The following SPINK7 variants were observed in gnomAD, a reference collection of about 807,000 sequenced individuals.
SPINK7 encodes serine protease inhibitor Kazal-type 7.
In SPINK7, 8 loss-of-function variants were observed where a neutral mutation model predicts 11.6. The ratio of observed to expected loss-of-function variants is 0.69; its 90% CI spans 0.41 to 1.25. The LOEUF (loss-of-function observed/expected upper bound fraction) is 1.25. SPINK7 is among the 50% of genes most tolerant of loss of function. SPINK7 has a pLI of 0.01. For missense variants in SPINK7, 113 were observed against 99.3 expected (o/e 1.14, Z -0.58); for synonymous variants, 38 against 35.3 (o/e 1.08, Z -0.27).
In SPINK7 at chr5:148,313,406, A is replaced by G. The variant is rs1402386129; in HGVS notation, c.87+7A>G. On this transcript the variant is annotated splice_region_variant and intron_variant, in intron 2 of 3. Transcript: ENST00000274565. ...TAGTCTGTCTCCAAAAAAAGTAAGT[A>G]TGTTGAATAACATTTTAATGTCAAT... 6.3e-7 allele frequency: 1 copy of G among 1,585,512 alleles called. No individual in the cohort carries two copies. Among genetic ancestry groups the G allele is most frequent in the Non-Finnish European group, 8.6e-7 (1 of 1,157,308 alleles).
At chr5:148,313,878 C>T in intron 2 of SPINK7, 1 of 559,364 alleles carries the variant, frequency 1.8e-6, no homozygotes, top group South Asian at 3.1e-5. Flanking sequence ...AAGTTTAACG[C>T]CTAGCCCAGA....
In SPINK7 at chr5:148,312,585, T is replaced by C. The variant is rs776301760; in HGVS notation, c.61+41T>C. 1.7e-5 allele frequency: 20 copies of C among 1,209,146 alleles called. No individual in the cohort carries two copies. The South Asian group carries it at 2.1e-4, about 13-fold the overall frequency. 74.9% of individuals were successfully genotyped at this position (1,209,146 alleles called of 1,614,324 possible). On this transcript the variant is annotated intron_variant, in intron 1 of 3. Transcript: ENST00000274565. Reference sequence around the variant, plus strand: ...ACAGTGCCCTATATAGCCATTAAGATTGTTTTCATAAATAATCCCTCCTGC... The same window carrying C: ...ACAGTGCCCTATATAGCCATTAAGACTGTTTTCATAAATAATCCCTCCTGC...
At chr5:148,313,954 T>C in intron 2 of SPINK7, 146 bp from the exon 3 acceptor site, 2 of 911,986 alleles carry the variant, frequency 2.2e-6, no homozygotes, top group South Asian at 1.7e-5. Flanking sequence ...CTAGTATTTG[T>C]CATAGTGATA....
Position 148,312,475 on chromosome 5 carries a change from A to T in SPINK7, c.-9A>T, listed in dbSNP as rs990072093. ...TCAGAGCAGCTTCTACACCACAGCC[A>T]TTTCCAGCATGAAGATCACTGGGGG... On this transcript the variant is annotated 5_prime_UTR_variant, in exon 1 of 4. Coordinates refer to ENST00000274565, the MANE Select transcript of SPINK7 (RefSeq NM_032566.3). The T allele has an allele frequency of 1.2e-6, 2 of 1,604,612 alleles. No individual in the cohort carries two copies. Among genetic ancestry groups the T allele is most frequent in the African/African-American group, 2.7e-5 (2 of 74,660 alleles).
In SPINK7 at chr5:148,313,361, A is replaced by T; in HGVS notation, c.62-13A>T. 1 of 1,598,132 alleles carries T rather than the reference A, an allele frequency of 6.3e-7. No homozygotes were observed. Among genetic ancestry groups the T allele is most frequent in the South Asian group, 1.1e-5 (1 of 89,366 alleles). On this transcript the variant is annotated splice_polypyrimidine_tract_variant and intron_variant, in intron 1 of 3. Transcript: ENST00000274565. ...CTTTACTTTTAACATCTTCATCTGT[A>T]TCTCTTTTTCAGAAGCTGCTAGTCT...
In SPINK7 at chr5:148,314,274, T is replaced by C. The variant is rs777517680; in HGVS notation, c.212+50T>C. ...GAGATCTGGAGTCAGTGCTCTCTAC[T>C]ACAAACGCTTCTACTTTCCAGGATC... is the stretch of plus-strand genomic sequence containing the variant. On this transcript the variant is annotated intron_variant, in intron 3 of 3. Transcript: ENST00000274565. 3 of 1,593,640 alleles carry C rather than the reference T, an allele frequency of 1.9e-6. No individual in the cohort carries two copies. The Admixed American group carries it at 5.1e-5, about 27-fold the overall frequency.
At position 148,313,399 on chromosome 5, in the gene SPINK7, A is replaced by C. The variant is rs1191102190; in HGVS notation, c.87A>C (p.Lys29Asn). ...AAGCTGCTAGTCTGTCTCCAAAAAA[A>C]GTAAGTATGTTGAATAACATTTTAA... ...SSEAASLSPK[K>N]VDCSIYKKYP... The change falls in exon 2 of 4, where the codon AAA becomes AAC. Residue 29 changes from lysine to asparagine, a missense_variant and splice_region_variant. Physicochemically the swap from Lys to Asn is moderately conservative, Grantham distance 94. Transcript: ENST00000274565. 1.3e-6 allele frequency: 2 copies of C among 1,598,888 alleles called. No homozygotes were observed. Among genetic ancestry groups the C allele is most frequent in the Non-Finnish European group, 1.7e-6 (2 of 1,168,944 alleles).
Position 148,312,560 on chromosome 5 carries a change from A to C in SPINK7, c.61+16A>C. 1 of 1,514,814 alleles carries C rather than the reference A, an allele frequency of 6.6e-7. No individual in the cohort carries two copies. Among genetic ancestry groups the C allele is most frequent in the Non-Finnish European group, 9.1e-7 (1 of 1,093,404 alleles). The allele number at this position is 1,514,814 out of a possible 1,614,324, so 93.8% of individuals were successfully genotyped here. On this transcript the variant is annotated intron_variant, in intron 1 of 3. Transcript: ENST00000274565. ...AGCAGCTCAGGTAAGTTAAGGTCAG[A>C]CAGTGCCCTATATAGCCATTAAGAT...
chr5:148,315,688 C>A lies in SPINK7; in HGVS notation c.*4C>A, dbSNP rs778313840. 5.8e-6 allele frequency: 9 copies of A among 1,554,516 alleles called. No individual in the cohort carries two copies. In the Admixed American group the frequency reaches 1.5e-4, roughly 26 times the overall value. ...TCTTCACGATGGAAGTTGCTAAATT[C>A]TCCATGGACATAGAGAGAAAGGAAT... On this transcript the variant is annotated 3_prime_UTR_variant, in exon 4 of 4. Coordinates refer to ENST00000274565, the MANE Select transcript of SPINK7 (RefSeq NM_032566.3).
rs1462513629 is a variant in SPINK7 at position 148,314,220 on chromosome 5, A to T, written c.208A>T (p.Ser70Cys). 6 of 1,613,550 alleles carry T rather than the reference A, an allele frequency of 3.7e-6. No homozygotes were observed. Among genetic ancestry groups the T allele is most frequent in the Non-Finnish European group, 5.1e-6 (6 of 1,179,696 alleles). The change falls in exon 3 of 4, where the codon AGC (serine) becomes TGC (cysteine). Residue 70 changes from serine (S) to cysteine (C), a missense_variant. Coordinates refer to ENST00000274565, the MANE Select transcript of SPINK7 (RefSeq NM_032566.3). ...GAATGAATGTCACTTGTGTACCGAG[A>T]GCTTGTGAGTACCTCATAAGAAGAA... ...YGNECHLCTESLKSNGRVQFL... is the reference protein window; with the variant it reads ...YGNECHLCTECLKSNGRVQFL...
intron 3 of SPINK7, among the ~76,000 whole-genome samples, 169 bp from the exon 4 acceptor site, chr5:148,315,470 C>T (rs569165109): frequency 2.7e-4 from 41 of 152,132 alleles, no homozygotes; most frequent in Non-Finnish European, 4.9e-4. Flanking sequence ...AATTCTGCTT[C>T]TTCCTCTGTC....
intron 3 of SPINK7, among the ~76,000 whole-genome samples, chr5:148,315,345 C>T (rs950264629): frequency 1.3e-5 from 2 of 152,066 alleles, no homozygotes; most frequent in African/African-American, 2.4e-5. Context: ...GAGAGACAGG[C>T]CCTCTCAATT....
chr5:148,312,878 A>G (rs1033683010), intron 1 of SPINK7, among the ~76,000 whole-genome samples: 1 of 152,066 alleles, frequency 6.6e-6, no homozygotes, highest in African/African-American at 2.4e-5. Context: ...TGTCTTCCCA[A>G]ATCAGTTTGG....
At chr5:148,312,608 T>C in intron 1 of SPINK7, 64 bp downstream of exon 1, 1 of 913,046 alleles carries the variant, frequency 1.1e-6, no homozygotes, top group South Asian at 1.6e-5. Flanking sequence ...TAATCCCTCC[T>C]GCGATGTGAG....
intron 1 of SPINK7, among the ~76,000 whole-genome samples, 160 bp downstream of exon 1, chr5:148,312,704 G>A (rs890876712): frequency 6.6e-6 from 1 of 152,082 alleles, no homozygotes; most frequent in African/African-American, 2.4e-5. Flanking sequence ...TGAGAGACTT[G>A]AGTCCAATGT....
In SPINK7 at chr5:148,312,563, G is replaced by A. The variant is rs780201569; in HGVS notation, c.61+19G>A. Reference sequence around the variant, plus strand: ...AGCTCAGGTAAGTTAAGGTCAGACAGTGCCCTATATAGCCATTAAGATTGT... The same window carrying A: ...AGCTCAGGTAAGTTAAGGTCAGACAATGCCCTATATAGCCATTAAGATTGT... On this transcript the variant is annotated intron_variant, in intron 1 of 3. Transcript: ENST00000274565. 6 of 1,493,642 alleles carry A rather than the reference G, an allele frequency of 4.0e-6. No homozygotes were observed. The highest frequency in any genetic ancestry group is 1.4e-5 in the African/African-American group (1 of 72,072). 92.5% of individuals were successfully genotyped at this position (1,493,642 alleles called of 1,614,324 possible).
rs761731709 is a variant in SPINK7, at chr5:148,314,229, G to A, written c.212+5G>A. Reference sequence around the variant, plus strand: ...TCACTTGTGTACCGAGAGCTTGTGAGTACCTCATAAGAAGAAAATGAGATC... The same window carrying A: ...TCACTTGTGTACCGAGAGCTTGTGAATACCTCATAAGAAGAAAATGAGATC... On this transcript the variant is annotated splice_donor_5th_base_variant and intron_variant, in intron 3 of 3. Transcript: ENST00000274565. The A allele has an allele frequency of 3.7e-6, 6 of 1,613,532 alleles. No homozygotes were observed. In the African/African-American group the frequency reaches 4.0e-5, roughly 11 times the overall value.
intron 1 of SPINK7, among the ~76,000 whole-genome samples, chr5:148,312,949 T>G (rs940212126): frequency 6.6e-6 from 1 of 152,082 alleles, no homozygotes; most frequent in Admixed American, 6.6e-5. Context: ...ACTTTTATAC[T>G]GTGAAAAATT....
chr5:148,314,007 T>C (rs1756896100), intron 2 of SPINK7, 93 bp from the exon 3 acceptor site: 2 of 1,526,746 alleles, frequency 1.3e-6, no homozygotes, highest in Non-Finnish European at 1.8e-6. Context: ...TCTGAATATC[T>C]GAGCTGGGAC....
Sources: gnomAD v4.1 joint callset for allele counts (sites outside exome capture counted in the v4.1 genomes callset) on GRCh38, gnomAD v4.1.1 for gene constraint, MANE v1.5 for transcripts, NCBI Gene and HGNC (gene_info 2026-07-23, HGNC 2026-07-21) for gene names.